Variants in SEPTIN9 observed in about 807,000 individuals in gnomAD.
The protein encoded by SEPTIN9 is septin-9.
In SEPTIN9, 13 loss-of-function variants were observed where a neutral mutation model predicts 56.6. That is an observed-to-expected ratio of 0.23 (90% CI 0.15 to 0.37). SEPTIN9 has a LOEUF of 0.37. Ranked by LOEUF, SEPTIN9 falls within the 10% of genes least tolerant of loss-of-function variation. The pLI is 1.00. For missense variants in SEPTIN9, 650 were observed against 823.1 expected, an observed-to-expected ratio of 0.79 and a Z score of 2.57; for synonymous variants, 332 against 334.1, an observed-to-expected ratio of 0.99 and a Z score of 0.07.
At chr17:77,379,629 G>A (rs1035714650) in intron 2 of SEPTIN9, among the ~76,000 whole-genome samples, 2 of 152,120 alleles carry the variant, frequency 1.3e-5, no homozygotes, top group Non-Finnish European at 2.9e-5. Context: ...ACTCAGGGAT[G>A]AGTCTTGGCC....
chr17:77,454,686 C>CT (rs2038118120), intron 3 of SEPTIN9, among the ~76,000 whole-genome samples: 1 of 152,204 alleles, frequency 6.6e-6, no homozygotes, highest in South Asian at 2.1e-4. Flanking sequence ...TGTTCAAACT[C>CT]GCCGCCGCTC....
At position 77,327,077 on chromosome 17, in the gene SEPTIN9, A is replaced by T. The variant is rs1026430842; in HGVS notation, c.76+19880A>T. Among the ~76,000 whole-genome samples the T allele has an allele frequency of 2.7e-5, 4 of 147,474 alleles. No homozygotes were observed. The highest frequency in any genetic ancestry group is 5.2e-5 in the African/African-American group (2 of 38,492). On this transcript the variant is annotated intron_variant, in intron 2 of 11. Transcript: ENST00000427177. The surrounding 1 kb of genome is among the most constrained non-coding windows in gnomAD (Gnocchi z 5.0). ...TGAGCCCCAGGAACATGTGTAAAAG[A>T]AAAAAAAAAGAATAAACCATAGCTG...
chr17:77,433,859 C>T lies in SEPTIN9; in HGVS notation c.721+31156C>T, dbSNP rs982307343. Among the ~76,000 whole-genome samples, 1 of 152,158 alleles carries T rather than the reference C, an allele frequency of 6.6e-6. No individual in the cohort carries two copies. Among genetic ancestry groups the T allele is most frequent in the Non-Finnish European group, 1.5e-5 (1 of 68,008 alleles). On this transcript the variant is annotated intron_variant, in intron 3 of 11. Transcript: ENST00000427177. The surrounding 1 kb of genome is among the most constrained non-coding windows in gnomAD (Gnocchi z 6.4). ...GTTCATTTTCCCTCTCTGCCCCTCC[C>T]GCTGGCCCTTCCCATATGGTCCTAA...
intron 1 of SEPTIN9, among the ~76,000 whole-genome samples, chr17:77,289,693 C>A (rs1286398940): frequency 1.3e-5 from 2 of 152,222 alleles, no homozygotes; most frequent in Non-Finnish European, 2.9e-5. Flanking sequence ...CAGGCGTGAG[C>A]CACCGCACCC....
chr17:77,454,457 T>A lies in SEPTIN9; in HGVS notation c.722-27687T>A, dbSNP rs146153425. 449 of 809,900 alleles carry A rather than the reference T, an allele frequency of 5.5e-4. No individual in the cohort carries two copies. In the Middle Eastern group the frequency reaches 9.0e-3, roughly 16 times the overall value. 50.2% of individuals were successfully genotyped at this position (809,900 alleles called of 1,614,324 possible). A position where few individuals can be genotyped will look rare whatever the true frequency, so the allele number is the denominator to read the frequency against. On this transcript the variant is annotated intron_variant, in intron 3 of 11. Coordinates refer to ENST00000427177, the MANE Select transcript of SEPTIN9 (RefSeq NM_001113491.2). ...GGCCATGCCCAGTCCGCTGTACGTG[T>A]GAGTTTGTTTGATGAGGAATTGGCT...
rs1438079225 is a variant in SEPTIN9 at position 77,405,215 on chromosome 17, C to T, written c.721+2512C>T. 6 of 1,331,742 alleles carry T rather than the reference C, an allele frequency of 4.5e-6. No individual in the cohort carries two copies. The highest frequency in any genetic ancestry group is 6.2e-6 in the Non-Finnish European group (6 of 971,538). 82.5% of individuals were successfully genotyped at this position (1,331,742 alleles called of 1,614,324 possible). A position where few individuals can be genotyped will look rare whatever the true frequency, so the allele number is the denominator to read the frequency against. ...GACACAGTTTAGCCCCTAAATTGTG[C>T]CAGAGACTGTGCCGGGAGCCAGGCC... On this transcript the variant is annotated intron_variant, in intron 3 of 11. Coordinates refer to ENST00000427177, the MANE Select transcript of SEPTIN9 (RefSeq NM_001113491.2). This position sits in a 1 kb window ranked among gnomAD's most constrained non-coding sequence, Gnocchi z 5.8.
chr17:77,467,223 C>A (rs73375396), intron 3 of SEPTIN9, among the ~76,000 whole-genome samples: 1 of 152,220 alleles, frequency 6.6e-6, no homozygotes. Flanking sequence ...ATGTCTTCCA[C>A]GCGGTGCTTG....
chr17:77,477,752 T>A (rs910330038), intron 3 of SEPTIN9, among the ~76,000 whole-genome samples: 2 of 152,204 alleles, frequency 1.3e-5, no homozygotes, highest in African/African-American at 4.8e-5. Context: ...GCCTGAGGCC[T>A]CTGACTCCCA....
intron 2 of SEPTIN9, among the ~76,000 whole-genome samples, chr17:77,350,056 C>T (rs953860080): frequency 5.3e-5 from 8 of 152,192 alleles, no homozygotes; most frequent in Non-Finnish European, 5.9e-5. Context: ...GCCAGCTGGC[C>T]GAATGTGGGG....
intron 3 of SEPTIN9, among the ~76,000 whole-genome samples, chr17:77,427,645 G>A (rs2036963262): frequency 1.3e-5 from 2 of 152,224 alleles, no homozygotes; most frequent in Admixed American, 6.5e-5. Context: ...CAGCCTTCGG[G>A]GAGGGAAGGA....
At chr17:77,410,898 C>A (rs1442492901) in intron 3 of SEPTIN9, among the ~76,000 whole-genome samples, 2 of 152,152 alleles carry the variant, frequency 1.3e-5, no homozygotes, top group Non-Finnish European at 2.9e-5. Flanking sequence ...CCCATTCTCC[C>A]TGTGACCTTT....
chr17:77,441,858 A>C (rs969738771), intron 3 of SEPTIN9, among the ~76,000 whole-genome samples: 1 of 152,108 alleles, frequency 6.6e-6, no homozygotes, highest in Non-Finnish European at 1.5e-5. Flanking sequence ...TCCTGCTTTC[A>C]TAGACTTTGA....
intron 2 of SEPTIN9, among the ~76,000 whole-genome samples, chr17:77,384,842 A>C (rs1313227289): frequency 7.0e-6 from 1 of 142,166 alleles, no homozygotes; most frequent in East Asian, 2.1e-4. Context: ...AACCTGTTTA[A>C]ACACACACAC....
chr17:77,487,554 T>G lies in SEPTIN9; in HGVS notation c.1042+2T>G. 1.2e-6 allele frequency: 2 copies of G among 1,612,316 alleles called. No homozygotes were observed. The highest frequency in any genetic ancestry group is 2.7e-5 in the African/African-American group (2 of 74,582). On this transcript the variant is annotated splice_donor_variant, in intron 5 of 11. Transcript: ENST00000427177. LOFTEE classifies it high-confidence loss of function. The surrounding 1 kb of genome is among the most constrained non-coding windows in gnomAD (Gnocchi z 4.3). ...TCGAGATCAAGTCCATCACGCACGG[T>G]CAGTGGCCGGGAGTGGGCTGGGGGT...
rs117916902 is a variant in SEPTIN9 at position 77,361,931 on chromosome 17, C to T, written c.77-40128C>T. Among the ~76,000 whole-genome samples, 202 of 152,326 alleles carry T rather than the reference C, an allele frequency of 1.3e-3. 1 individual carries two copies. The East Asian group carries it at 0.033, about 25-fold the overall frequency. ...ACAGGCGTGAGCCACCGCGCCCGGC[C>T]AAGTGGTCAGTTTTCTCAGCTGCCG... On this transcript the variant is annotated intron_variant, in intron 2 of 11. Coordinates refer to ENST00000427177, the MANE Select transcript of SEPTIN9 (RefSeq NM_001113491.2).
Position 77,327,738 on chromosome 17 carries a change from T to C in SEPTIN9, c.76+20541T>C, listed in dbSNP as rs553868108. Among the ~76,000 whole-genome samples, 210 of 151,702 alleles carry C rather than the reference T, an allele frequency of 1.4e-3. 1 individual carries two copies. Among genetic ancestry groups the C allele is most frequent in the African/African-American group, 4.7e-3 (194 of 41,396 alleles). ...CTCCATCCGTGGAGCCACCCTCCTCTTTTTTTTTCTAAATGGGGAAACTCT... is the reference window on the plus strand; with the variant it reads ...CTCCATCCGTGGAGCCACCCTCCTCCTTTTTTTTCTAAATGGGGAAACTCT... On this transcript the variant is annotated intron_variant, in intron 2 of 11. Coordinates refer to ENST00000427177, the MANE Select transcript of SEPTIN9 (RefSeq NM_001113491.2). This position sits in a 1 kb window ranked among gnomAD's most constrained non-coding sequence, Gnocchi z 5.0.
intron 3 of SEPTIN9, among the ~76,000 whole-genome samples, chr17:77,430,447 T>TGGCTG (rs1249447386): frequency 6.6e-6 from 1 of 152,140 alleles, no homozygotes; most frequent in East Asian, 1.9e-4. Flanking sequence ...ACACAAACCC[T>TGGCTG]GGCTGAACCC....
chr17:77,316,646 C>T (rs548662152), intron 2 of SEPTIN9, among the ~76,000 whole-genome samples: 3 of 152,270 alleles, frequency 2.0e-5, no homozygotes, highest in Non-Finnish European at 4.4e-5. Context: ...CTTCCCTGCC[C>T]CACAGCAGGA....
chr17:77,497,069 A>AGAGCAGGAGCTGAGCTGTCCAG lies in SEPTIN9; in HGVS notation c.1574-233_1574-212dup, dbSNP rs575282339. ...CTCCCATTAGCCAGGAACTTTCTGG[A>AGAGCAGGAGCTGAGCTGTCCAG]GAGCAGGAGCTGAGCTGTCCAGGAG... On this transcript the variant is annotated intron_variant, in intron 10 of 11. Transcript: ENST00000427177. 7.0e-3 allele frequency: 4,052 copies of AGAGCAGGAGCTGAGCTGTCCAG among 582,864 alleles called. 148 individuals are homozygous for AGAGCAGGAGCTGAGCTGTCCAG. Among genetic ancestry groups the AGAGCAGGAGCTGAGCTGTCCAG allele is most frequent in the African/African-American group, 0.069 (3,671 of 53,430 alleles). 36.1% of individuals were successfully genotyped at this position (582,864 alleles called of 1,614,324 possible).
Sources: allele counts gnomAD v4.1 joint callset (sites outside exome capture counted in the v4.1 genomes callset), GRCh38; gene constraint gnomAD v4.1.1; non-coding constraint Gnocchi (gnomAD v3.1); transcripts MANE v1.5; gene names NCBI Gene and HGNC (gene_info 2026-07-23, HGNC 2026-07-21).